PGR: variants seen among roughly 807,000 people sequenced by gnomAD.
PGR encodes the protein nuclear receptor subfamily 3 group C member 3.
PGR carries 25 observed loss-of-function variants against 76.1 expected under a neutral mutation model. The ratio of observed to expected loss-of-function variants is 0.33; its 90% CI spans 0.24 to 0.46. The LOEUF (loss-of-function observed/expected upper bound fraction) is 0.46. PGR is among the 20% of genes least tolerant of loss of function. The pLI is 1.00. For synonymous variants in PGR, 579 were observed against 535.0 expected (o/e 1.08, Z -1.14); for missense variants, 1,172 against 1,225.3 (o/e 0.96, Z 0.65).
chr11:101,080,914 A>C (rs548941515), intron 3 of PGR, among the ~76,000 whole-genome samples: 4 of 152,142 alleles, frequency 2.6e-5, no homozygotes, highest in Non-Finnish European at 4.4e-5. Context: ...GAACTAACCC[A>C]ATCTGATAAA....
chr11:101,041,090 C>T (rs1349592887), intron 7 of PGR, among the ~76,000 whole-genome samples: 1 of 133,178 alleles, frequency 7.5e-6, no homozygotes, highest in Non-Finnish European at 1.8e-5. Flanking sequence ...CCGTATCATT[C>T]TTATTTCTCT....
intron 3 of PGR, among the ~76,000 whole-genome samples, chr11:101,090,651 A>C (rs1053623129): frequency 2.6e-5 from 4 of 152,248 alleles, no homozygotes; most frequent in African/African-American, 9.6e-5. Flanking sequence ...TTATTCATTT[A>C]ATAGAAAGTT....
chr11:101,070,999 G>A (rs1860915440), intron 3 of PGR, among the ~76,000 whole-genome samples: 1 of 152,254 alleles, frequency 6.6e-6, no homozygotes, highest in African/African-American at 2.4e-5. Flanking sequence ...TCCTCAAGTG[G>A]GTCCCTGACC....
chr11:101,046,292 ATTTTTTTTTTTTTTTTTTTTTTTTTTTTT>A (rs540943297), intron 6 of PGR, among the ~76,000 whole-genome samples: 12 of 66,288 alleles, frequency 1.8e-4, no homozygotes, highest in South Asian at 1.5e-3. Flanking sequence ...CGCCTGGCTA[ATTTTTTTTTTTTTTTTTTTTTTTTTTTTT>A]TTTTTTTTTT....
At position 101,030,596 on chromosome 11, in the gene PGR, A is replaced by G; in HGVS notation, c.*8520T>C. 1 of 221,296 alleles carries G rather than the reference A, an allele frequency of 4.5e-6. No homozygotes were observed. Among genetic ancestry groups the G allele is most frequent in the Non-Finnish European group, 9.0e-6 (1 of 110,574 alleles). 13.7% of individuals were successfully genotyped at this position (221,296 alleles called of 1,614,324 possible). A position where few individuals can be genotyped will look rare whatever the true frequency, so the allele number is the denominator to read the frequency against. On this transcript the variant is annotated 3_prime_UTR_variant, in exon 8 of 8. Coordinates refer to ENST00000325455, the MANE Select transcript of PGR (RefSeq NM_000926.4). ...CTGGACCTTTCTCCTGGTCAGTTGG[A>G]GGCAGGCATATTGCTCTGAGGAGAA...
In PGR at chr11:101,126,340, C is replaced by T. The variant is rs149677139; in HGVS notation, c.1638-182G>A. Among the ~76,000 whole-genome samples, 21 of 152,316 alleles carry T rather than the reference C, an allele frequency of 1.4e-4. 1 individual carries two copies. In the East Asian group the frequency reaches 3.7e-3, roughly 27 times the overall value. ...ACTATCCGTAACTGGATTCACCATA[C>T]TTGCAAATGATTAGCCATTCATCAG... is the stretch of plus-strand genomic sequence containing the variant. On this transcript the variant is annotated intron_variant, in intron 1 of 7. Coordinates refer to ENST00000325455, the MANE Select transcript of PGR (RefSeq NM_000926.4).
chr11:101,058,346 C>G (rs541595684), intron 4 of PGR, among the ~76,000 whole-genome samples: 1 of 152,078 alleles, frequency 6.6e-6, no homozygotes, highest in South Asian at 2.1e-4. Flanking sequence ...TCTCTCTCAT[C>G]ATTTTTTTCT....
chr11:101,125,306 A>C (rs1258444326), intron 2 of PGR, among the ~76,000 whole-genome samples: 2 of 152,174 alleles, frequency 1.3e-5, no homozygotes, highest in Non-Finnish European at 2.9e-5. Flanking sequence ...GAAATCATTA[A>C]GCATGTAAGT....
At chr11:101,052,296 T>C in intron 4 of PGR, among the ~76,000 whole-genome samples, 2 of 149,184 alleles carry the variant, frequency 1.3e-5, no homozygotes, top group South Asian at 4.3e-4. Context: ...TGTGTGTGTG[T>C]GTGTGTGTGT....
intron 6 of PGR, among the ~76,000 whole-genome samples, chr11:101,045,084 T>G (rs1859823203): frequency 6.6e-6 from 1 of 152,134 alleles, no homozygotes; most frequent in African/African-American, 2.4e-5. Flanking sequence ...ATTTATCCCC[T>G]GCACCCCAAT....
At chr11:101,076,888 T>A (rs769457078) in intron 3 of PGR, among the ~76,000 whole-genome samples, 5 of 150,540 alleles carry the variant, frequency 3.3e-5, no homozygotes, top group African/African-American at 7.3e-5. Context: ...TTTTTCTATA[T>A]CTTTACTATT....
Position 101,062,627 on chromosome 11 carries a change from C to A in PGR, c.2032G>T (p.Gly678Cys), listed in dbSNP as rs372100726. 25 of 1,613,834 alleles carry A rather than the reference C, an allele frequency of 1.5e-5. No homozygotes were observed. The highest frequency in any genetic ancestry group is 2.0e-5 in the Non-Finnish European group (24 of 1,179,954). The change falls in exon 4 of 8, where the codon GGT becomes TGT. Residue 678 changes from glycine to cysteine, a missense_variant. This residue lies in a region of PGR where 73 missense variants were observed against 60.7 expected (regional missense o/e 1.20). Coordinates refer to ENST00000325455, the MANE Select transcript of PGR (RefSeq NM_000926.4). ...ALSQRFTFSP[G>C]QDIQLIPPLI... ...GGTGGAATCAACTGTATGTCTTGAC[C>A]TGGTGAAAAAGTGAATCTCTGGCTT...
Position 101,127,719 on chromosome 11 carries a change from G to A in PGR, c.1352C>T (p.Ala451Val), listed in dbSNP as rs746718938. 7 of 1,585,300 alleles carry A rather than the reference G, an allele frequency of 4.4e-6. No individual in the cohort carries two copies. In the Admixed American group the frequency reaches 8.6e-5, roughly 20 times the overall value. Reference protein sequence around the residue: ...AAPASASVSSASSSGSTLECI... With the variant: ...AAPASASVSSVSSSGSTLECI... ...CTCCAGGGTCGACCCCGAGGAGGAC[G>A]CAGACGAGACTGAGGCACTGGCGGG... Residue 451 changes from alanine (A) to valine (V), a missense_variant, in exon 1 of 8, where the codon GCG becomes GTG. By Grantham distance (64) the Ala-to-Val change is moderately conservative. Around this residue, in one of 4 missense-constraint regions of PGR, gnomAD observed 893 missense variants for 785.9 expected, o/e 1.14. Transcript: ENST00000325455.
At chr11:101,059,467 C>G (rs938434660) in intron 4 of PGR, among the ~76,000 whole-genome samples, 4 of 152,046 alleles carry the variant, frequency 2.6e-5, no homozygotes, top group Non-Finnish European at 5.9e-5. Context: ...CAAAATCACT[C>G]ATTTGCAATG....
intron 3 of PGR, among the ~76,000 whole-genome samples, chr11:101,091,089 G>A (rs894981120): frequency 6.6e-6 from 1 of 152,170 alleles, no homozygotes; most frequent in African/African-American, 2.4e-5. Context: ...AAAAATTCAA[G>A]GGAGTACGGG....
chr11:101,126,733 T>C (rs1862850126), intron 1 of PGR, among the ~76,000 whole-genome samples: 1 of 152,174 alleles, frequency 6.6e-6, no homozygotes, highest in Non-Finnish European at 1.5e-5. Flanking sequence ...ATTACTTCAG[T>C]ATGCAAAGTA....
chr11:101,102,020 A>G (rs748491378), intron 2 of PGR, among the ~76,000 whole-genome samples: 1 of 152,140 alleles, frequency 6.6e-6, no homozygotes, highest in African/African-American at 2.4e-5. Flanking sequence ...TGTGGGGGAA[A>G]AATCAGACAA....
chr11:101,036,678 C>T lies in PGR; in HGVS notation c.*2438G>A, dbSNP rs547807278. 5.0e-6 allele frequency: 1 copy of T among 201,308 alleles called. No homozygotes were observed. The highest frequency in any genetic ancestry group is 1.0e-5 in the Non-Finnish European group (1 of 97,806). The allele number at this position is 201,308 out of a possible 1,614,324, so 12.5% of individuals were successfully genotyped here. On this transcript the variant is annotated 3_prime_UTR_variant, in exon 8 of 8. Coordinates refer to ENST00000325455, the MANE Select transcript of PGR (RefSeq NM_000926.4). ...TAAAGCTTAGCCTTAAATATTAAAT[C>T]CTAGTGTTTAGACATCTACATTGCA...
Position 101,060,043 on chromosome 11 carries a change from C to T in PGR, c.2212+2404G>A, listed in dbSNP as rs541675004. Among the ~76,000 whole-genome samples, 619 of 152,164 alleles carry T rather than the reference C, an allele frequency of 4.1e-3. 6 individuals carry two copies. The highest frequency in any genetic ancestry group is 0.013 in the African/African-American group (556 of 41,526). Reference sequence around the variant, plus strand: ...ATATATGCCTAGGTGTCTTCATAAACGCTGTCACCTTTGTTATGATGGTCA... The same window carrying T: ...ATATATGCCTAGGTGTCTTCATAAATGCTGTCACCTTTGTTATGATGGTCA... On this transcript the variant is annotated intron_variant, in intron 4 of 7. Transcript: ENST00000325455.
Sources: gnomAD v4.1 joint callset for allele counts (sites outside exome capture counted in the v4.1 genomes callset) on GRCh38, gnomAD v4.1.1 for gene constraint, gnomAD v4.1.1 regional missense constraint, MANE v1.5 for transcripts, NCBI Gene and HGNC (gene_info 2026-07-23, HGNC 2026-07-21) for gene names.